LMBR1L: variants seen among roughly 807,000 people sequenced by gnomAD.
LMBR1L encodes the protein protein LMBR1L.
In LMBR1L, 47 loss-of-function variants were observed where a neutral mutation model predicts 67.3. The ratio of observed to expected loss-of-function variants is 0.70; its 90% CI spans 0.55 to 0.89. LMBR1L has a LOEUF of 0.89. LMBR1L is among the 40% of genes least tolerant of loss of function. The pLI, the probability that LMBR1L is intolerant of heterozygous loss-of-function variation, is 0.00. For synonymous variants in LMBR1L, 247 were observed against 250.3 expected (o/e 0.99, Z 0.13); for missense variants, 533 against 599.2 (o/e 0.89, Z 1.15).
At position 49,110,609 on chromosome 12, in the gene LMBR1L, C is replaced by G. The variant is rs1420002811; in HGVS notation, c.-54G>C. Reference sequence around the variant, plus strand: ...TGCCTCTGGGCCCGGGGAGGACGAGCGGGGAGGAAGCCGCCGCCGCCAAGC... The same window carrying G: ...TGCCTCTGGGCCCGGGGAGGACGAGGGGGGAGGAAGCCGCCGCCGCCAAGC... On this transcript the variant is annotated 5_prime_UTR_variant, in exon 1 of 17. Transcript: ENST00000267102. 7 of 1,551,990 alleles carry G rather than the reference C, an allele frequency of 4.5e-6. No homozygotes were observed. Among genetic ancestry groups the G allele is most frequent in the Non-Finnish European group, 6.2e-6 (7 of 1,125,070 alleles).
intron 1 of LMBR1L, 167 bp from the exon 2 acceptor site, chr12:49,107,212 T>G: frequency 1.7e-6 from 1 of 578,992 alleles, no homozygotes; most frequent in East Asian, 2.9e-5. Context: ...AGGTACTTCC[T>G]TCTAGTCAGG....
At chr12:49,104,960 C>T in intron 3 of LMBR1L, 75 bp from the exon 4 acceptor site, 1 of 1,492,846 alleles carries the variant, frequency 6.7e-7, no homozygotes, top group Non-Finnish European at 9.1e-7. Context: ...CCCATTTGTC[C>T]TGAGGGCGCC....
chr12:49,101,290 GC>G lies in LMBR1L; in HGVS notation c.1041del (p.Lys347AsnfsTer17). 6.2e-7 allele frequency: 1 copy of G among 1,614,196 alleles called. No homozygotes were observed. The highest frequency in any genetic ancestry group is 8.5e-7 in the Non-Finnish European group (1 of 1,180,040). On this transcript the variant is annotated frameshift_variant, in exon 13 of 17. Transcript: ENST00000267102. LOFTEE classifies it high-confidence loss of function. The stretch of plus-strand genomic sequence containing the variant: ...TGAATGACGGCACCAAAGGAGCCCA[GC>G]TTGGAGAAGGAGACCTGGCCTAAGG... ...GTSLGQVSFS[K>X]LGSFGAVIQV...
intron 15 of LMBR1L, 97 bp from the exon 16 acceptor site, chr12:49,098,202 CTG>C (rs1939655493): frequency 7.7e-7 from 1 of 1,302,024 alleles, no homozygotes; most frequent in African/African-American, 1.5e-5. Flanking sequence ...CATTTCAACA[CTG>C]CAACTGATAG....
chr12:49,099,319 T>G (rs574553302), intron 15 of LMBR1L, among the ~76,000 whole-genome samples: 77 of 151,892 alleles, frequency 5.1e-4, no homozygotes, highest in African/African-American at 1.8e-3. Context: ...TGGCTAATTT[T>G]TATATTTTTC....
chr12:49,108,953 G>T lies in LMBR1L; in HGVS notation c.72+1531C>A, dbSNP rs193226064. Among the ~76,000 whole-genome samples, 568 of 152,284 alleles carry T rather than the reference G, an allele frequency of 3.7e-3. 5 individuals carry two copies. Among genetic ancestry groups the T allele is most frequent in the African/African-American group, 0.013 (534 of 41,550 alleles). ...GATCTAGAACAAAGTCATAGCTTTT[G>T]ATATTAGGGAAGCAGAACAGAAGGA... On this transcript the variant is annotated intron_variant, in intron 1 of 16. Coordinates refer to ENST00000267102, the MANE Select transcript of LMBR1L (RefSeq NM_018113.4).
At chr12:49,108,160 G>T (rs1941132770) in intron 1 of LMBR1L, among the ~76,000 whole-genome samples, 1 of 152,186 alleles carries the variant, frequency 6.6e-6, no homozygotes, top group Non-Finnish European at 1.5e-5. Context: ...CTACTCAAGA[G>T]GCTGAGGCAG....
chr12:49,100,770 C>T (rs1450333282), intron 13 of LMBR1L, 124 bp from the exon 14 acceptor site: 1 of 739,526 alleles, frequency 1.4e-6, no homozygotes, highest in Non-Finnish European at 2.2e-6. Context: ...CTTTGTCACC[C>T]AGGCTGGAGT....
Position 49,097,337 on chromosome 12 carries a change from C to A in LMBR1L, c.*335G>T, listed in dbSNP as rs1487996449. Reference sequence around the variant, plus strand: ...CCCAGTCCTTTCCCTGCCCCTACCCCACCCTATTGCACATCAAATCATGTA... The same window carrying A: ...CCCAGTCCTTTCCCTGCCCCTACCCAACCCTATTGCACATCAAATCATGTA... On this transcript the variant is annotated 3_prime_UTR_variant, in exon 17 of 17. Coordinates refer to ENST00000267102, the MANE Select transcript of LMBR1L (RefSeq NM_018113.4). 3.4e-6 allele frequency: 1 copy of A among 297,134 alleles called. No homozygotes were observed. The highest frequency in any genetic ancestry group is 6.5e-5 in the East Asian group (1 of 15,380). The allele number at this position is 297,134 out of a possible 1,614,324, so 18.4% of individuals were successfully genotyped here. A position where few individuals can be genotyped will look rare whatever the true frequency, so the allele number is the denominator to read the frequency against.
chr12:49,110,493 G>A lies in LMBR1L; in HGVS notation c.63C>T (p.Arg21=), dbSNP rs756421196. Residue 21 remains arginine, a synonymous_variant, in exon 1 of 17, where the codon CGC becomes CGT. Coordinates refer to ENST00000267102, the MANE Select transcript of LMBR1L (RefSeq NM_018113.4). ...GGGGCCCCGCACTCACAATACACTCGCGGATCCTCTCGTGGAATAGCTGTT... is the reference window on the plus strand; with the variant it reads ...GGGGCCCCGCACTCACAATACACTCACGGATCCTCTCGTGGAATAGCTGTT... The part of the protein sequence containing the change: ...VREQLFHERI[R]ECIISTLLFA... 6.2e-7 allele frequency: 1 copy of A among 1,613,816 alleles called. No individual in the cohort carries two copies. The highest frequency in any genetic ancestry group is 1.3e-5 in the African/African-American group (1 of 74,906).
Position 49,103,830 on chromosome 12 carries a change from C to T in LMBR1L, c.436-17G>A, listed in dbSNP as rs376234985. The stretch of plus-strand genomic sequence containing the variant: ...CAGGACACCCTACGGGAGGAGGCAA[C>T]CAGTGAAGAAGGTTAACATCAGGGC... On this transcript the variant is annotated splice_polypyrimidine_tract_variant and intron_variant, in intron 5 of 16. Transcript: ENST00000267102. 2.1e-4 allele frequency: 331 copies of T among 1,601,002 alleles called. No homozygotes were observed. The African/African-American group carries it at 3.9e-3, about 19-fold the overall frequency.
chr12:49,107,903 T>C (rs1941099966), intron 1 of LMBR1L, among the ~76,000 whole-genome samples: 1 of 151,622 alleles, frequency 6.6e-6, no homozygotes, highest in Non-Finnish European at 1.5e-5. Flanking sequence ...CCGAGGCAGA[T>C]GAATCACTTG....
Position 49,105,958 on chromosome 12 carries a change from C to A in LMBR1L, c.158-1G>T. ...TTGACGGTGGCATCTTCATCATCCA[C>A]TGTAAGAGACAGAGGCACGGGGAAC... On this transcript the variant is annotated splice_acceptor_variant, in intron 2 of 16. Coordinates refer to ENST00000267102, the MANE Select transcript of LMBR1L (RefSeq NM_018113.4). LOFTEE classifies it high-confidence loss of function. 1 of 1,613,026 alleles carries A rather than the reference C, an allele frequency of 6.2e-7. No individual in the cohort carries two copies. Among genetic ancestry groups the A allele is most frequent in the Non-Finnish European group, 8.5e-7 (1 of 1,179,602 alleles).
chr12:49,110,133 A>C, intron 1 of LMBR1L: 1 of 512,152 alleles, frequency 2.0e-6, no homozygotes, highest in East Asian at 5.3e-5. Context: ...CAGTTTGAGA[A>C]GCAAACCCAT....
At chr12:49,110,381 G>T in intron 1 of LMBR1L, 103 bp downstream of exon 1, 2 of 1,144,262 alleles carry the variant, frequency 1.7e-6, no homozygotes, top group Non-Finnish European at 2.6e-6. Context: ...CCCGCCGCTG[G>T]CCCAGGCATG....
intron 2 of LMBR1L, chr12:49,106,443 TG>T: frequency 1.8e-6 from 1 of 554,650 alleles, no homozygotes; most frequent in Non-Finnish European, 3.1e-6. Flanking sequence ...AGCTAGGAAC[TG>T]GGGCAAGTGT....
In LMBR1L at chr12:49,102,928, G is replaced by A. The variant is rs757082999; in HGVS notation, c.655C>T (p.Arg219Cys). 8.7e-6 allele frequency: 14 copies of A among 1,613,960 alleles called. No individual in the cohort carries two copies. Among genetic ancestry groups the A allele is most frequent in the Middle Eastern group, 1.6e-4 (1 of 6,084 alleles). Reference sequence around the variant, plus strand: ...AGCTTCCCAGTGACGGAGAACATGCGGGCGAGACCCAGTGGAGTACACACT... The same window carrying A: ...AGCTTCCCAGTGACGGAGAACATGCAGGCGAGACCCAGTGGAGTACACACT... ...LLVCTPLGLA[R>C]MFSVTGKLLV... Residue 219 changes from arginine (R) to cysteine (C), a missense_variant, in exon 8 of 17, where the codon CGC becomes TGC. Arg to Cys is a radical substitution (Grantham distance 180). Coordinates refer to ENST00000267102, the MANE Select transcript of LMBR1L (RefSeq NM_018113.4).
At chr12:49,110,296 A>C (rs1279465767) in intron 1 of LMBR1L, 188 bp downstream of exon 1, 2 of 621,098 alleles carry the variant, frequency 3.2e-6, no homozygotes, top group Admixed American at 2.7e-5. Context: ...TTTATCGCTC[A>C]GGGACCCAGC....
In LMBR1L at chr12:49,102,638, C is replaced by T. The variant is rs1208785763; in HGVS notation, c.697-98G>A. On this transcript the variant is annotated intron_variant, in intron 8 of 16. Transcript: ENST00000267102. ...CTTCCCAGGGCTCCGTAGTCCCAGGCTTCCCCCAGACCCTCATTCACCACC... is the reference window on the plus strand; with the variant it reads ...CTTCCCAGGGCTCCGTAGTCCCAGGTTTCCCCCAGACCCTCATTCACCACC... 1.9e-5 allele frequency: 24 copies of T among 1,274,036 alleles called. No homozygotes were observed. The Admixed American group carries it at 4.1e-4, about 22-fold the overall frequency. 78.9% of individuals were successfully genotyped at this position (1,274,036 alleles called of 1,614,324 possible). A position where few individuals can be genotyped will look rare whatever the true frequency, so the allele number is the denominator to read the frequency against.
Sources: allele counts gnomAD v4.1 joint callset (sites outside exome capture counted in the v4.1 genomes callset), GRCh38; gene constraint gnomAD v4.1.1; transcripts MANE v1.5; gene names NCBI Gene and HGNC (gene_info 2026-07-23, HGNC 2026-07-21).